ANKRD36: variants seen among roughly 807,000 people sequenced by gnomAD.
ANKRD36 encodes ankyrin repeat domain-containing protein 36A.
In ANKRD36, 179 loss-of-function variants were observed where a neutral mutation model predicts 278.1. That is an observed-to-expected ratio of 0.64 (90% CI 0.57 to 0.73). ANKRD36 has a LOEUF of 0.73. Among genes scored for constraint, ANKRD36 ranks in the 30% least tolerant of loss-of-function variants. ANKRD36 has a pLI of 0.00. For synonymous variants in ANKRD36, 320 were observed against 641.1 expected, an observed-to-expected ratio of 0.50 and a Z score of 7.57; for missense variants, 1,159 against 1,956.7, an observed-to-expected ratio of 0.59 and a Z score of 7.69.
At chr2:97,224,591 A>G (rs1487008077) in intron 66 of ANKRD36, among the ~76,000 whole-genome samples, 1 of 151,964 alleles carries the variant, frequency 6.6e-6, no homozygotes, top group African/African-American at 2.4e-5. Context: ...CTGGGACTAC[A>G]GGCGCCCGCC....
intron 22 of ANKRD36, among the ~76,000 whole-genome samples, chr2:97,172,831 A>ATC (rs2053008228): frequency 6.8e-6 from 1 of 146,394 alleles, no homozygotes; most frequent in East Asian, 2.1e-4. Flanking sequence ...TTGTGTGTGA[A>ATC]TGTGTGTGTG....
intron 26 of ANKRD36, 112 bp from the exon 27 acceptor site, chr2:97,183,347 T>C: frequency 2.3e-6 from 3 of 1,305,192 alleles, no homozygotes; most frequent in Non-Finnish European, 3.1e-6. Context: ...AAACATCAAA[T>C]CCTACACTAG....
intron 52 of ANKRD36, among the ~76,000 whole-genome samples, 159 bp from the exon 53 acceptor site, chr2:97,207,652 A>G (rs2063231839): frequency 1.3e-5 from 2 of 151,484 alleles, no homozygotes; most frequent in African/African-American, 2.4e-5. Flanking sequence ...TTCTCAGCGT[A>G]TTTCTGTCAT....
At position 97,225,293 on chromosome 2, in the gene ANKRD36, C is replaced by A. The variant is rs1227498826; in HGVS notation, c.3951+414C>A. On this transcript the variant is annotated intron_variant, in intron 67 of 75. Coordinates refer to ENST00000420699, the MANE Select transcript of ANKRD36 (RefSeq NM_001354587.1). ...TCAAACTTTGCAGTTTTTTTATTGC[C>A]AGTCACTAATACCAAGGTTAAAAAT... 2.6e-5 allele frequency among the ~76,000 whole-genome samples: 4 copies of A among 151,988 alleles called. No individual in the cohort carries two copies. In the East Asian group the frequency reaches 7.9e-4, roughly 30 times the overall value.
chr2:97,171,558 G>C (rs2052514463), intron 22 of ANKRD36, among the ~76,000 whole-genome samples: 1 of 103,872 alleles, frequency 9.6e-6, no homozygotes, highest in Non-Finnish European at 1.9e-5. Context: ...TGGTGGGGTG[G>C]GGGGAGGGGG....
intron 50 of ANKRD36, among the ~76,000 whole-genome samples, chr2:97,204,506 A>C (rs2062295657): frequency 6.6e-6 from 1 of 151,466 alleles, no homozygotes; most frequent in Non-Finnish European, 1.5e-5. Flanking sequence ...GAGCAGTTCA[A>C]GGCATAAGGG....
At chr2:97,203,839 A>G (rs1161919421) in intron 48 of ANKRD36, among the ~76,000 whole-genome samples, 1 of 151,806 alleles carries the variant, frequency 6.6e-6, no homozygotes, top group Non-Finnish European at 1.5e-5. Context: ...TTTTTCACAT[A>G]TGACAAATCA....
chr2:97,202,029 G>A (rs568324427), intron 46 of ANKRD36, among the ~76,000 whole-genome samples, 173 bp from the exon 47 acceptor site: 12 of 151,822 alleles, frequency 7.9e-5, no homozygotes, highest in Admixed American at 5.3e-4. Flanking sequence ...GCCTGTATTC[G>A]CTTTTCTCAG....
At position 97,194,725 on chromosome 2, in the gene ANKRD36, G is replaced by A. The variant is rs767532692; in HGVS notation, c.2450-1G>A. On this transcript the variant is annotated splice_acceptor_variant, in intron 38 of 75. Coordinates refer to ENST00000420699, the MANE Select transcript of ANKRD36 (RefSeq NM_001354587.1). LOFTEE classifies it high-confidence loss of function. Reference sequence around the variant, plus strand: ...GATTATGTATCCCTTTTGCTTTTCAGTGTCTTCTCGGAAAAAACCAGCCTT... The same window carrying A: ...GATTATGTATCCCTTTTGCTTTTCAATGTCTTCTCGGAAAAAACCAGCCTT... 4 of 1,604,694 alleles carry A rather than the reference G, an allele frequency of 2.5e-6. No homozygotes were observed. Among genetic ancestry groups the A allele is most frequent in the Non-Finnish European group, 3.4e-6 (4 of 1,178,540 alleles).
chr2:97,184,042 T>C (rs1344318762), intron 28 of ANKRD36, among the ~76,000 whole-genome samples: 1 of 151,636 alleles, frequency 6.6e-6, no homozygotes, highest in Non-Finnish European at 1.5e-5. Flanking sequence ...GAAGTTGTCA[T>C]AATAACCCGT....
chr2:97,175,429 A>G (rs2053935448), intron 22 of ANKRD36, among the ~76,000 whole-genome samples: 2 of 151,894 alleles, frequency 1.3e-5, no homozygotes, highest in Non-Finnish European at 2.9e-5. Context: ...TGTTTGTAGT[A>G]TTCTCTGATG....
Position 97,211,718 on chromosome 2 carries a change from A to AG in ANKRD36, c.3448dup (p.Asp1150GlyfsTer2). 1.3e-6 allele frequency: 2 copies of AG among 1,587,094 alleles called. No homozygotes were observed. The highest frequency in any genetic ancestry group is 1.7e-6 in the Non-Finnish European group (2 of 1,167,620). On this transcript the variant is annotated frameshift_variant, in exon 58 of 76. Coordinates refer to ENST00000420699, the MANE Select transcript of ANKRD36 (RefSeq NM_001354587.1). LOFTEE classifies it high-confidence loss of function. The stretch of plus-strand genomic sequence containing the variant: ...GTTCCGAATATGGCCACGGAAAAAA[A>AG]GGATGAACAAATATCTGGGACAGGT...
intron 6 of ANKRD36, among the ~76,000 whole-genome samples, chr2:97,139,886 T>C (rs372891338): frequency 1.3e-5 from 2 of 151,916 alleles, no homozygotes. Context: ...TAAACTCTAA[T>C]CTACTCAGGT....
intron 36 of ANKRD36, among the ~76,000 whole-genome samples, 166 bp from the exon 37 acceptor site, chr2:97,192,692 T>C (rs180679321): frequency 2.0e-5 from 3 of 151,872 alleles, no homozygotes; most frequent in Admixed American, 1.3e-4. Context: ...TTCCCTTTTT[T>C]CAGTGTATTT....
intron 1 of ANKRD36, 49 bp downstream of exon 1, chr2:97,113,985 G>C (rs762463898): frequency 4.5e-6 from 7 of 1,557,118 alleles, no homozygotes; most frequent in Non-Finnish European, 6.1e-6. Flanking sequence ...TGTGGATGTG[G>C]AGAAGTACCC....
At chr2:97,143,556 A>G (rs1278480422) in intron 8 of ANKRD36, among the ~76,000 whole-genome samples, 2 of 152,154 alleles carry the variant, frequency 1.3e-5, no homozygotes, top group Non-Finnish European at 2.9e-5. Context: ...TAGGCTAATC[A>G]TGAATATGCA....
intron 30 of ANKRD36, among the ~76,000 whole-genome samples, chr2:97,186,237 A>G (rs2057395039): frequency 6.6e-6 from 1 of 151,440 alleles, no homozygotes; most frequent in African/African-American, 2.4e-5. Flanking sequence ...GATAAACTTG[A>G]ATATCAGTAC....
chr2:97,208,514 G>C, intron 54 of ANKRD36, among the ~76,000 whole-genome samples: 1 of 146,192 alleles, frequency 6.8e-6, no homozygotes, highest in Non-Finnish European at 1.5e-5. Context: ...TAATTTTGGA[G>C]TTTCTGCTGA....
At chr2:97,162,216 G>A in intron 18 of ANKRD36, 78 bp downstream of exon 18, 5 of 1,167,340 alleles carry the variant, frequency 4.3e-6, no homozygotes, top group Middle Eastern at 6.3e-4. Flanking sequence ...AAGAAACAAA[G>A]GTGGTGAGGT....
Sources: allele counts gnomAD v4.1 joint callset (sites outside exome capture counted in the v4.1 genomes callset), GRCh38; gene constraint gnomAD v4.1.1; transcripts MANE v1.5; gene names NCBI Gene and HGNC (gene_info 2026-07-23, HGNC 2026-07-21).